Variants in RBFOX1 observed in about 807,000 individuals in gnomAD.
RBFOX1 encodes the protein RNA binding protein fox-1 homolog 1.
RBFOX1 carries 8 observed loss-of-function variants against 57.7 expected under a neutral mutation model. The ratio of observed to expected loss-of-function variants is 0.14; its 90% CI spans 0.08 to 0.25. The LOEUF is 0.25. Among genes scored for constraint, RBFOX1 ranks in the 10% least tolerant of loss-of-function variants. RBFOX1 has a pLI of 1.00. For missense variants in RBFOX1, 611 were observed against 548.5 expected (o/e 1.11, Z -1.14); for synonymous variants, 326 against 222.4 (o/e 1.47, Z -4.15).
chr16:6,704,614 G>C (rs968725479), intron 3 of RBFOX1: 1 of 152,546 alleles, frequency 6.6e-6, no homozygotes, highest in Admixed American at 6.5e-5. Flanking sequence ...GAGCCAAGAG[G>C]GGTGGGGGAA....
chr16:6,321,008 A>G (rs1250424277), intron 2 of RBFOX1, among the ~76,000 whole-genome samples: 4 of 152,120 alleles, frequency 2.6e-5, no homozygotes, highest in Admixed American at 6.6e-5. Flanking sequence ...TGGCCAGGCT[A>G]GTCTCGAACT....
chr16:6,228,549 A>T (rs1229505119), intron 1 of RBFOX1, among the ~76,000 whole-genome samples: 1 of 152,286 alleles, frequency 6.6e-6, no homozygotes, highest in East Asian at 1.9e-4. Flanking sequence ...TGCTAACTGA[A>T]CTAAGCCAGA....
At chr16:5,424,937 C>T (rs868132002) in intron 1 of RBFOX1, among the ~76,000 whole-genome samples, 10,218 of 69,532 alleles carry the variant, frequency 0.15, 1,119 homozygotes, top group Admixed American at 0.16. Context: ...CTTTCTTTCT[C>T]TCTCTTCTTT....
rs1465881454 is a variant in RBFOX1 at position 6,255,021 on chromosome 16, C to T, written c.-126-61974C>T. ...GCTTTTATTCCTTCTCTTCTTCCTTCCATCTCTCCCACCCCTTCCTTTTAT... is the reference window on the plus strand; with the variant it reads ...GCTTTTATTCCTTCTCTTCTTCCTTTCATCTCTCCCACCCCTTCCTTTTAT... On this transcript the variant is annotated intron_variant, in intron 1 of 15. Coordinates refer to ENST00000550418, the MANE Select transcript of RBFOX1 (RefSeq NM_018723.4). Among the ~76,000 whole-genome samples, 3 of 152,188 alleles carry T rather than the reference C, an allele frequency of 2.0e-5. No homozygotes were observed. In the East Asian group the frequency reaches 5.8e-4, roughly 29 times the overall value.
chr16:7,528,450 C>G (rs758296526), intron 5 of RBFOX1, among the ~76,000 whole-genome samples: 2 of 152,174 alleles, frequency 1.3e-5, no homozygotes, highest in African/African-American at 4.8e-5. Flanking sequence ...CTCTGCATAG[C>G]TGATTGCCCC....
At chr16:5,344,928 A>C (rs2065108275) in intron 1 of RBFOX1, among the ~76,000 whole-genome samples, 1 of 152,188 alleles carries the variant, frequency 6.6e-6, no homozygotes, top group African/African-American at 2.4e-5. Context: ...TGTACACCAG[A>C]CATCCAGGTC....
chr16:6,159,023 C>T (rs1337737715), intron 1 of RBFOX1, among the ~76,000 whole-genome samples: 2 of 152,086 alleles, frequency 1.3e-5, no homozygotes, highest in African/African-American at 2.4e-5. Context: ...CTGCCTCAGC[C>T]TCCCAAGGAG....
intron 3 of RBFOX1, among the ~76,000 whole-genome samples, chr16:6,976,665 TATATATATC>T (rs2086938314): frequency 6.7e-6 from 1 of 149,594 alleles, no homozygotes; most frequent in African/African-American, 2.4e-5. Context: ...ATATATATGA[TATATATATC>T]ATATATATCA....
intron 4 of RBFOX1, among the ~76,000 whole-genome samples, chr16:7,249,757 G>A (rs1187300798): frequency 6.6e-6 from 1 of 152,004 alleles, no homozygotes; most frequent in Admixed American, 6.6e-5. Flanking sequence ...ATAACAAACC[G>A]ACAGTGATGA....
chr16:6,670,001 C>A (rs138953307), intron 3 of RBFOX1, among the ~76,000 whole-genome samples: 3 of 148,392 alleles, frequency 2.0e-5, no homozygotes, highest in East Asian at 1.9e-4. Context: ...AAATCTATCT[C>A]TGTCTGTCTA....
chr16:7,517,400 C>G (rs1016670230), intron 4 of RBFOX1, among the ~76,000 whole-genome samples: 12 of 152,040 alleles, frequency 7.9e-5, no homozygotes, highest in African/African-American at 2.9e-4. Flanking sequence ...GAGGCATTGA[C>G]TAATGAGACT....
chr16:7,422,346 T>TTCTA (rs1173176496), intron 4 of RBFOX1, among the ~76,000 whole-genome samples: 1 of 152,110 alleles, frequency 6.6e-6, no homozygotes, highest in African/African-American at 2.4e-5. Flanking sequence ...ATATATTCAT[T>TTCTA]GTTAGAGTAC....
intron 2 of RBFOX1, among the ~76,000 whole-genome samples, chr16:6,569,067 A>G (rs1417476415): frequency 6.6e-6 from 1 of 152,222 alleles, no homozygotes; most frequent in Non-Finnish European, 1.5e-5. Flanking sequence ...CTTGGATAAT[A>G]TGCTACTTAA....
intron 1 of RBFOX1, among the ~76,000 whole-genome samples, chr16:6,203,291 T>C (rs1032026834): frequency 9.9e-5 from 15 of 152,186 alleles, no homozygotes; most frequent in African/African-American, 3.6e-4. Flanking sequence ...TTGTACTTTG[T>C]GGTTCTGTGA....
At chr16:7,287,757 A>G (rs2095678871) in intron 4 of RBFOX1, among the ~76,000 whole-genome samples, 1 of 152,164 alleles carries the variant, frequency 6.6e-6, no homozygotes, top group Non-Finnish European at 1.5e-5. Context: ...AGATTTAGAA[A>G]GAGATAAATT....
At chr16:6,784,813 C>A (rs1436736246) in intron 3 of RBFOX1, among the ~76,000 whole-genome samples, 1 of 152,012 alleles carries the variant, frequency 6.6e-6, no homozygotes, top group East Asian at 1.9e-4. Flanking sequence ...TCTTGTTCCA[C>A]CTCATATATT....
In RBFOX1 at chr16:6,097,991, T is replaced by G. The variant is rs2096265102; in HGVS notation, c.-127+77999T>G. On this transcript the variant is annotated intron_variant, in intron 1 of 15. Coordinates refer to ENST00000550418, the MANE Select transcript of RBFOX1 (RefSeq NM_018723.4). The surrounding 1 kb of genome is among the most constrained non-coding windows in gnomAD (Gnocchi z 5.0). ...CTTGGTCTAGGATGGAGCCTGCAAT[T>G]TTGCATTTGTGACAAGCTCCCACGG... Among the ~76,000 whole-genome samples, 1 of 152,120 alleles carries G rather than the reference T, an allele frequency of 6.6e-6. No homozygotes were observed. Among genetic ancestry groups the G allele is most frequent in the South Asian group, 2.1e-4 (1 of 4,828 alleles).
intron 4 of RBFOX1, among the ~76,000 whole-genome samples, chr16:7,341,968 G>C (rs750281763): frequency 1.3e-5 from 2 of 151,970 alleles, no homozygotes; most frequent in Non-Finnish European, 2.9e-5. Context: ...CTTCTCTTCT[G>C]CTCTTTAATC....
At chr16:6,871,207 A>T (rs1361757936) in intron 3 of RBFOX1, among the ~76,000 whole-genome samples, 3 of 151,920 alleles carry the variant, frequency 2.0e-5, no homozygotes, top group African/African-American at 4.8e-5. Context: ...TTTTTTGGAG[A>T]TGGAGTGTTG....
Sources: gnomAD v4.1 joint callset for allele counts (sites outside exome capture counted in the v4.1 genomes callset) on GRCh38, gnomAD v4.1.1 for gene constraint, Gnocchi (gnomAD v3.1) non-coding constraint, MANE v1.5 for transcripts, NCBI Gene and HGNC (gene_info 2026-07-23, HGNC 2026-07-21) for gene names.